Variants in PLS1 observed in about 807,000 individuals in gnomAD.
PLS1 encodes the protein plastin 1.
PLS1 carries 32 observed loss-of-function variants against 73.7 expected under a neutral mutation model. The observed-to-expected ratio is 0.43, with a 90% confidence interval of 0.33 to 0.58. The LOEUF (loss-of-function observed/expected upper bound fraction) is 0.58, where lower values mean the gene tolerates loss of function less well. PLS1 is among the 20% of genes least tolerant of loss of function. PLS1 has a pLI of 0.04. For synonymous variants in PLS1, 217 were observed against 261.3 expected (o/e 0.83, Z 1.63); for missense variants, 633 against 740.5 (o/e 0.85, Z 1.68).
chr3:142,659,224 G>A (rs554619217), intron 1 of PLS1, among the ~76,000 whole-genome samples: 11 of 152,202 alleles, frequency 7.2e-5, no homozygotes, highest in Non-Finnish European at 1.2e-4. Context: ...AAAGCTGGCT[G>A]ACCCGAGTCA....
At chr3:142,663,348 A>T (rs546944906) in intron 1 of PLS1, among the ~76,000 whole-genome samples, 1 of 152,348 alleles carries the variant, frequency 6.6e-6, no homozygotes, top group Non-Finnish European at 1.5e-5. Context: ...TATTTTCTGC[A>T]GTGAACACAC....
intron 1 of PLS1, among the ~76,000 whole-genome samples, chr3:142,610,798 A>G (rs1278550957): frequency 6.6e-6 from 1 of 152,164 alleles, no homozygotes; most frequent in African/African-American, 2.4e-5. Flanking sequence ...TATCTTTACC[A>G]CATATGAGGA....
At chr3:142,610,795 A>G (rs1384905271) in intron 1 of PLS1, among the ~76,000 whole-genome samples, 1 of 152,176 alleles carries the variant, frequency 6.6e-6, no homozygotes, top group Non-Finnish European at 1.5e-5. Context: ...AACTATCTTT[A>G]CCACATATGA....
At chr3:142,671,401 A>G (rs1418864276) in intron 4 of PLS1, among the ~76,000 whole-genome samples, 1 of 152,180 alleles carries the variant, frequency 6.6e-6, no homozygotes, top group Non-Finnish European at 1.5e-5. Context: ...TAAACAACAA[A>G]GTGGAAGTTG....
intron 1 of PLS1, among the ~76,000 whole-genome samples, chr3:142,646,119 G>A (rs754792905): frequency 3.3e-5 from 5 of 152,160 alleles, no homozygotes; most frequent in Non-Finnish European, 7.3e-5. Flanking sequence ...TCTAAAGTGC[G>A]AACTGTAATA....
chr3:142,688,521 T>C lies in PLS1; in HGVS notation c.982-1097T>C, dbSNP rs144634616. Among the ~76,000 whole-genome samples, 24 of 152,370 alleles carry C rather than the reference T, an allele frequency of 1.6e-4. No individual in the cohort carries two copies. The South Asian group carries it at 5.0e-3, about 32-fold the overall frequency. On this transcript the variant is annotated intron_variant, in intron 9 of 15. Transcript: ENST00000457734. ...ACTAAAACTTTGACGTGACATTTTC[T>C]GTACAGTTCTTCCCTATCCCACCTC...
At chr3:142,664,508 T>C (rs567137077) in intron 2 of PLS1, among the ~76,000 whole-genome samples, 1 of 152,336 alleles carries the variant, frequency 6.6e-6, no homozygotes, top group Admixed American at 6.5e-5. Flanking sequence ...AATTGGACTT[T>C]GAATTCTTTG....
chr3:142,669,512 A>T lies in PLS1; in HGVS notation c.193A>T (p.Ser65Cys). The change falls in exon 3 of 16, where the codon AGC (serine) becomes TGC (cysteine). Residue 65 changes from serine to cysteine, a missense_variant. Physicochemically the swap from Ser to Cys is moderately radical, Grantham distance 112. Transcript: ENST00000457734. ...GGAGAAAATTCTATCAGTTGCTGAC[A>T]GCAACAAAGATGGCAAAATCAGTTT... ...IVEKILSVAD[S>C]NKDGKISFEE... The T allele has an allele frequency of 6.2e-7, 1 of 1,613,580 alleles. No individual in the cohort carries two copies.
intron 11 of PLS1, among the ~76,000 whole-genome samples, chr3:142,695,441 T>C (rs993072241): frequency 6.6e-6 from 1 of 152,208 alleles, no homozygotes; most frequent in African/African-American, 2.4e-5. Context: ...CCCATATTTG[T>C]AAAGCTCTTA....
intron 1 of PLS1, among the ~76,000 whole-genome samples, chr3:142,656,159 A>G (rs1382426234): frequency 1.3e-5 from 2 of 152,108 alleles, no homozygotes; most frequent in East Asian, 1.9e-4. Context: ...ACAGGATTTC[A>G]CCATGTTGGC....
chr3:142,683,316 A>G (rs995727846), intron 6 of PLS1, among the ~76,000 whole-genome samples: 4 of 152,198 alleles, frequency 2.6e-5, no homozygotes, highest in African/African-American at 9.6e-5. Flanking sequence ...CATCCTGGCT[A>G]ACATGGTGAA....
chr3:142,680,004 G>T (rs112469396), intron 6 of PLS1, among the ~76,000 whole-genome samples: 4,780 of 152,078 alleles, frequency 0.031, 236 homozygotes, highest in African/African-American at 0.11. Flanking sequence ...CTTGTAAGTT[G>T]GATTCCTAGG....
At chr3:142,664,971 C>CTTT (rs74661149) in intron 2 of PLS1, among the ~76,000 whole-genome samples, 6 of 141,968 alleles carry the variant, frequency 4.2e-5, no homozygotes, top group African/African-American at 1.5e-4. Context: ...ATATAAATAC[C>CTTT]TTTTTTTTTT....
intron 12 of PLS1, among the ~76,000 whole-genome samples, chr3:142,699,381 C>T (rs1387008810): frequency 1.3e-5 from 2 of 152,066 alleles, no homozygotes; most frequent in South Asian, 2.1e-4. Flanking sequence ...ATGGCTTGAA[C>T]CCGGGAGGCA....
intron 10 of PLS1, among the ~76,000 whole-genome samples, chr3:142,691,390 G>C (rs575386417): frequency 2.9e-3 from 439 of 152,080 alleles, no homozygotes; most frequent in Non-Finnish European, 5.1e-3. Context: ...ACACTGTTAG[G>C]TTTTATCAGT....
At chr3:142,597,100 T>C (rs529121164) in intron 1 of PLS1, 1 of 152,360 alleles carries the variant, frequency 6.6e-6, no homozygotes, top group Admixed American at 6.5e-5. Context: ...TTTCAATTAT[T>C]ACTGTATTTC....
At chr3:142,698,104 T>G (rs1309355017) in intron 12 of PLS1, 37 bp downstream of exon 12, 1 of 1,165,614 alleles carries the variant, frequency 8.6e-7, no homozygotes, top group Non-Finnish European at 1.3e-6. Context: ...ATTGTTATTG[T>G]TCTGATATGA....
At chr3:142,616,298 G>A (rs992557351) in intron 1 of PLS1, among the ~76,000 whole-genome samples, 4 of 152,236 alleles carry the variant, frequency 2.6e-5, no homozygotes, top group African/African-American at 9.6e-5. Flanking sequence ...ATTTGTTAAT[G>A]TTTTCTACCT....
chr3:142,628,342 CGCGCACATGTGCATGCAGTGTGCATGTGT>C (rs1278958537), intron 1 of PLS1, among the ~76,000 whole-genome samples: 1 of 28,700 alleles, frequency 3.5e-5, no homozygotes, highest in Non-Finnish European at 6.5e-5. Flanking sequence ...TGTGTGTGTG[CGCGCACATGTGCATGCAGTGTGCATGTGT>C]GCGCGCACAT....
Sources: allele counts gnomAD v4.1 joint callset (sites outside exome capture counted in the v4.1 genomes callset), GRCh38; gene constraint gnomAD v4.1.1; transcripts MANE v1.5; gene names NCBI Gene and HGNC (gene_info 2026-07-23, HGNC 2026-07-21).